The following PLCL1 variants were observed in gnomAD, a reference collection of about 807,000 sequenced individuals.
PLCL1 encodes the protein phospholipase C like 1 (inactive).
PLCL1 carries 41 observed loss-of-function variants against 84.4 expected under a neutral mutation model. The ratio of observed to expected loss-of-function variants is 0.49; its 90% confidence interval spans 0.38 to 0.63. PLCL1 has a LOEUF of 0.63. Ranked by LOEUF, PLCL1 falls within the 30% of genes least tolerant of loss-of-function variation. PLCL1 has a pLI of 0.00. For missense variants in PLCL1, 1,206 were observed against 1,367.8 expected (o/e 0.88, Z 1.87); for synonymous variants, 490 against 488.3 (o/e 1.00, Z -0.05).
intron 1 of PLCL1, among the ~76,000 whole-genome samples, chr2:198,014,040 G>A (rs999238410): frequency 7.2e-5 from 11 of 151,958 alleles, no homozygotes; most frequent in African/African-American, 2.7e-4. Flanking sequence ...AGCTGAACTA[G>A]GTAAAAGAAT....
chr2:197,919,890 G>A (rs1688672254), intron 1 of PLCL1, among the ~76,000 whole-genome samples: 1 of 152,158 alleles, frequency 6.6e-6, no homozygotes, highest in Non-Finnish European at 1.5e-5. Flanking sequence ...AAAATGACAA[G>A]TTCTTAGATT....
intron 1 of PLCL1, among the ~76,000 whole-genome samples, chr2:198,057,115 C>T (rs999140825): frequency 6.6e-5 from 10 of 152,132 alleles, no homozygotes; most frequent in African/African-American, 2.4e-4. Flanking sequence ...ATCATTTGAA[C>T]AACCACTTTT....
At chr2:198,044,502 G>A (rs903042175) in intron 1 of PLCL1, among the ~76,000 whole-genome samples, 1 of 152,174 alleles carries the variant, frequency 6.6e-6, no homozygotes, top group Non-Finnish European at 1.5e-5. Context: ...TTAACTTAGA[G>A]AGGAACAATT....
At chr2:198,095,011 T>G (rs1318547231) in intron 3 of PLCL1, among the ~76,000 whole-genome samples, 1 of 152,060 alleles carries the variant, frequency 6.6e-6, no homozygotes, top group Non-Finnish European at 1.5e-5. Flanking sequence ...CTCTGGCAAG[T>G]AGAAAAGGCT....
chr2:197,823,029 G>T (rs1191441939), intron 1 of PLCL1, among the ~76,000 whole-genome samples: 1 of 151,876 alleles, frequency 6.6e-6, no homozygotes, highest in African/African-American at 2.4e-5. Context: ...AGCAATTATA[G>T]GTAAAAATCA....
At chr2:198,106,211 CTGGCTCCAGACCCTGTGTCTT>C (rs1440796169) in intron 5 of PLCL1, among the ~76,000 whole-genome samples, 25 of 152,072 alleles carry the variant, frequency 1.6e-4, no homozygotes, top group African/African-American at 6.0e-4. Flanking sequence ...CTCAGGCAGT[CTGGCTCCAGACCCTGTGTCTT>C]TAACCTGTGC....
At chr2:198,005,436 G>A (rs1159454290) in intron 1 of PLCL1, among the ~76,000 whole-genome samples, 1 of 152,186 alleles carries the variant, frequency 6.6e-6, no homozygotes, top group African/African-American at 2.4e-5. Flanking sequence ...ACTGCACATC[G>A]TGCCTGGAAA....
chr2:198,081,539 A>G (rs1369193037), intron 1 of PLCL1, among the ~76,000 whole-genome samples: 1 of 152,188 alleles, frequency 6.6e-6, no homozygotes, highest in African/African-American at 2.4e-5. Context: ...TTTTTAACTT[A>G]AGGATGAGGA....
intron 5 of PLCL1, among the ~76,000 whole-genome samples, chr2:198,131,526 C>T (rs954645391): frequency 6.6e-6 from 1 of 152,288 alleles, no homozygotes; most frequent in East Asian, 1.9e-4. Context: ...CAAAGAACGT[C>T]TCGTCAAATC....
At position 198,055,521 on chromosome 2, in the gene PLCL1, G is replaced by GTT. The variant is rs1553514865; in HGVS notation, c.241-28226_241-28225dup. Among the ~76,000 whole-genome samples, 690 of 144,876 alleles carry GTT rather than the reference G, an allele frequency of 4.8e-3. 5 individuals are homozygous for GTT. Among genetic ancestry groups the GTT allele is most frequent in the African/African-American group, 0.017 (660 of 39,100 alleles). On this transcript the variant is annotated intron_variant, in intron 1 of 5. Transcript: ENST00000428675. Reference sequence around the variant, plus strand: ...TGTAGTTTCTCAAACCTTTTATTTTGTTTTTTTTTTTTCAACTCTGAGTGA... The same window carrying GTT: ...TGTAGTTTCTCAAACCTTTTATTTTGTTTTTTTTTTTTTTCAACTCTGAGTGA...
chr2:197,832,442 A>G (rs908175069), intron 1 of PLCL1, among the ~76,000 whole-genome samples: 2 of 152,242 alleles, frequency 1.3e-5, no homozygotes, highest in Admixed American at 6.5e-5. Flanking sequence ...ACACCCTTCC[A>G]AGACTAAACC....
intron 1 of PLCL1, among the ~76,000 whole-genome samples, chr2:197,843,044 A>G (rs756641822): frequency 1.4e-4 from 21 of 152,102 alleles, no homozygotes; most frequent in Non-Finnish European, 2.2e-4. Flanking sequence ...GCCAAACTGT[A>G]CTGTTTACTT....
chr2:197,866,158 AC>A (rs1687535462), intron 1 of PLCL1, among the ~76,000 whole-genome samples: 1 of 13,742 alleles, frequency 7.3e-5, no homozygotes, highest in Admixed American at 5.5e-4. Flanking sequence ...ATATATATAA[AC>A]TATATATATA....
intron 1 of PLCL1, among the ~76,000 whole-genome samples, chr2:198,048,093 A>C (rs1574272708): frequency 6.6e-6 from 1 of 152,328 alleles, no homozygotes; most frequent in East Asian, 1.9e-4. Flanking sequence ...ATTTTCTCTC[A>C]GTTTCTGTTC....
intron 1 of PLCL1, among the ~76,000 whole-genome samples, chr2:198,017,478 G>A (rs1354294804): frequency 6.6e-6 from 1 of 152,188 alleles, no homozygotes; most frequent in East Asian, 1.9e-4. Flanking sequence ...TTTCCATATA[G>A]CAGGCACTCA....
At position 198,083,993 on chromosome 2, in the gene PLCL1, A is replaced by G. The variant is rs145057158; in HGVS notation, c.476A>G (p.Asp159Gly). Reference sequence around the variant, plus strand: ...AAAGACCTCGAGAAAGCCAAGCTTGATATTTCTGCCATAAAAGAGATCAGA... The same window carrying G: ...AAAGACCTCGAGAAAGCCAAGCTTGGTATTTCTGCCATAAAAGAGATCAGA... ...SKKDLEKAKL[D>G]ISAIKEIRLG... Residue 159 changes from aspartate (D) to glycine (G), a missense_variant, in exon 2 of 6, where the codon GAT (aspartate) becomes GGT (glycine). Physicochemically the swap from Asp to Gly is moderately conservative, Grantham distance 94 (BLOSUM62 -1). Transcript: ENST00000428675. 1.7e-3 allele frequency: 2,822 copies of G among 1,614,038 alleles called. 6 individuals carry two copies. The highest frequency in any genetic ancestry group is 2.1e-3 in the Non-Finnish European group (2,427 of 1,179,996).
Position 198,010,797 on chromosome 2 carries a change from G to A in PLCL1, c.241-72961G>A, listed in dbSNP as rs544960348. Among the ~76,000 whole-genome samples the A allele has an allele frequency of 2.0e-5, 3 of 150,366 alleles. No homozygotes were observed. In the East Asian group the frequency reaches 5.9e-4, roughly 29 times the overall value. The stretch of plus-strand genomic sequence containing the variant: ...GGTCCTGGGATTTTCTCTTTTGGAA[G>A]GTTATTTTTTTTTTTTATTACTGCT... On this transcript the variant is annotated intron_variant, in intron 1 of 5. Transcript: ENST00000428675.
intron 1 of PLCL1, among the ~76,000 whole-genome samples, chr2:197,939,430 A>T (rs2105772722): frequency 6.6e-6 from 1 of 152,338 alleles, no homozygotes; most frequent in African/African-American, 2.4e-5. Flanking sequence ...TGGGTGACTT[A>T]AACGACAGAA....
At chr2:198,094,704 C>T (rs1574308262) in intron 3 of PLCL1, among the ~76,000 whole-genome samples, 1 of 152,112 alleles carries the variant, frequency 6.6e-6, no homozygotes, top group Admixed American at 6.5e-5. Flanking sequence ...AGATCCTGTT[C>T]TACAAGCAGG....
Sources: gnomAD v4.1 joint callset for allele counts (sites outside exome capture counted in the v4.1 genomes callset) on GRCh38, gnomAD v4.1.1 for gene constraint, MANE v1.5 for transcripts, NCBI Gene and HGNC (gene_info 2026-07-23, HGNC 2026-07-21) for gene names.